The following ASTN2 variants were observed in gnomAD, a reference collection of about 807,000 sequenced individuals.
ASTN2 encodes the protein astrotactin-2.
A neutral mutation model predicts 139.8 loss-of-function variants in ASTN2; 54 were observed. That is an observed-to-expected ratio of 0.39 (90% confidence interval 0.31 to 0.48). ASTN2 has a LOEUF of 0.48. Among genes scored for constraint, ASTN2 ranks in the 20% least tolerant of loss-of-function variants. ASTN2 has a pLI of 0.95. For missense variants in ASTN2, 1,565 were observed against 1,725.1 expected (o/e 0.91, Z 1.64); for synonymous variants, 756 against 719.5 (o/e 1.05, Z -0.81).
chr9:117,162,426 G>C (rs1395764813), intron 3 of ASTN2, among the ~76,000 whole-genome samples: 2 of 152,034 alleles, frequency 1.3e-5, no homozygotes, highest in Non-Finnish European at 2.9e-5. Flanking sequence ...GAGCAAAGCA[G>C]AAGTATCTGT....
At chr9:117,141,670 G>A (rs555487824) in intron 3 of ASTN2, among the ~76,000 whole-genome samples, 192 bp from the exon 4 acceptor site, 25 of 152,202 alleles carry the variant, frequency 1.6e-4, no homozygotes, top group Non-Finnish European at 2.9e-4. Flanking sequence ...AACTGCAGAT[G>A]TATCTGTTGG....
At chr9:117,131,891 A>C (rs767489600) in intron 4 of ASTN2, among the ~76,000 whole-genome samples, 3 of 152,174 alleles carry the variant, frequency 2.0e-5, no homozygotes, top group Non-Finnish European at 4.4e-5. Context: ...ACCCCTTGGG[A>C]CTATCATGGT....
intron 20 of ASTN2, among the ~76,000 whole-genome samples, chr9:116,475,518 T>C (rs1051724139): frequency 2.0e-5 from 3 of 152,184 alleles, no homozygotes; most frequent in Non-Finnish European, 2.9e-5. Context: ...CTTGTACCAC[T>C]GTCCTGCTCT....
At chr9:116,925,113 A>G (rs1834717656) in intron 10 of ASTN2, among the ~76,000 whole-genome samples, 2 of 152,116 alleles carry the variant, frequency 1.3e-5, no homozygotes, top group South Asian at 4.1e-4. Context: ...TCATATACCC[A>G]TATTTGCTTT....
rs932470393 is a variant in ASTN2 at position 117,003,456 on chromosome 9, C to T, written c.1591+4636G>A. On this transcript the variant is annotated intron_variant, in intron 7 of 22. Transcript: ENST00000313400. ...CGTCCTGTCCCCTGTCTTCTCTGGGCGGCAGTAGAATCAGCCATGAAGTTG... is the reference window on the plus strand; with the variant it reads ...CGTCCTGTCCCCTGTCTTCTCTGGGTGGCAGTAGAATCAGCCATGAAGTTG... Among the ~76,000 whole-genome samples the T allele has an allele frequency of 3.3e-5, 5 of 150,760 alleles. No homozygotes were observed. The Middle Eastern group carries it at 0.014, about 413-fold the overall frequency.
chr9:117,006,682 T>C (rs1168981706), intron 7 of ASTN2, among the ~76,000 whole-genome samples: 1 of 152,124 alleles, frequency 6.6e-6, no homozygotes, highest in Admixed American at 6.6e-5. Context: ...TCCATCTTCC[T>C]CAGAGTAGAA....
intron 4 of ASTN2, among the ~76,000 whole-genome samples, chr9:117,130,419 T>A (rs1315134827): frequency 1.3e-5 from 2 of 152,182 alleles, no homozygotes; most frequent in Non-Finnish European, 2.9e-5. Flanking sequence ...TATCTTTCAC[T>A]TTTTCCTTGC....
intron 7 of ASTN2, among the ~76,000 whole-genome samples, chr9:117,003,642 T>C (rs1258985525): frequency 6.7e-6 from 1 of 150,036 alleles, no homozygotes; most frequent in Admixed American, 6.7e-5. Flanking sequence ...TTTAGAATTA[T>C]GCCCTCAAGC....
At chr9:117,300,524 G>A (rs556888777) in intron 1 of ASTN2, among the ~76,000 whole-genome samples, 27 of 152,328 alleles carry the variant, frequency 1.8e-4, no homozygotes, top group African/African-American at 5.5e-4. Flanking sequence ...GTGTGGTAAT[G>A]ACCACAAGAT....
intron 2 of ASTN2, among the ~76,000 whole-genome samples, chr9:117,278,570 C>G (rs1268740826): frequency 6.6e-6 from 1 of 152,164 alleles, no homozygotes; most frequent in Admixed American, 6.5e-5. Flanking sequence ...GAGGCGGAAG[C>G]CAAGATGGAG....
intron 16 of ASTN2, 22 bp from the exon 17 acceptor site, chr9:116,651,815 A>G: frequency 6.2e-7 from 1 of 1,607,318 alleles, no homozygotes; most frequent in Non-Finnish European, 8.5e-7. Flanking sequence ...CAAGACAGGA[A>G]GAGCGAAAGG....
intron 16 of ASTN2, among the ~76,000 whole-genome samples, chr9:116,678,344 C>G (rs982918578): frequency 6.6e-6 from 1 of 152,184 alleles, no homozygotes; most frequent in African/African-American, 2.4e-5. Flanking sequence ...CTAGGCTCCA[C>G]CCCTAGTACA....
intron 17 of ASTN2, among the ~76,000 whole-genome samples, chr9:116,640,328 G>A (rs183790320): frequency 1.0e-3 from 159 of 152,200 alleles, no homozygotes; most frequent in African/African-American, 3.8e-3. Flanking sequence ...TGGAAGAGGA[G>A]GAGACACAGG....
intron 12 of ASTN2, among the ~76,000 whole-genome samples, chr9:116,808,592 T>C (rs1376526696): frequency 2.0e-5 from 3 of 152,226 alleles, no homozygotes; most frequent in Non-Finnish European, 1.5e-5. Context: ...TTTAGCTGTT[T>C]ATAGCTATTT....
At chr9:116,661,953 G>A (rs1183545625) in intron 16 of ASTN2, among the ~76,000 whole-genome samples, 2 of 151,296 alleles carry the variant, frequency 1.3e-5, no homozygotes, top group Non-Finnish European at 2.9e-5. Flanking sequence ...CATGGCACAT[G>A]TATACATATG....
At chr9:116,738,301 G>C (rs1828998842) in intron 13 of ASTN2, among the ~76,000 whole-genome samples, 1 of 151,778 alleles carries the variant, frequency 6.6e-6, no homozygotes, top group Non-Finnish European at 1.5e-5. Context: ...AGGAGTTCAA[G>C]ACCAACTTGG....
intron 2 of ASTN2, among the ~76,000 whole-genome samples, chr9:117,221,112 C>T (rs1436755421): frequency 7.2e-5 from 11 of 152,188 alleles, no homozygotes; most frequent in Admixed American, 7.2e-4. Context: ...AATGCAAATG[C>T]AAGTACTTGT....
At chr9:116,942,739 T>G (rs1835276011) in intron 10 of ASTN2, among the ~76,000 whole-genome samples, 1 of 152,196 alleles carries the variant, frequency 6.6e-6, no homozygotes, top group African/African-American at 2.4e-5. Context: ...GGAACATTTC[T>G]AGATGACTTT....
At chr9:117,198,920 G>A (rs1406458458) in intron 3 of ASTN2, among the ~76,000 whole-genome samples, 1 of 152,112 alleles carries the variant, frequency 6.6e-6, no homozygotes, top group Non-Finnish European at 1.5e-5. Context: ...ATGTTTGTTG[G>A]CTGCATAAAT....
Sources: gnomAD v4.1 joint callset for allele counts (sites outside exome capture counted in the v4.1 genomes callset) on GRCh38, gnomAD v4.1.1 for gene constraint, MANE v1.5 for transcripts, NCBI Gene and HGNC (gene_info 2026-07-23, HGNC 2026-07-21) for gene names.